PTPRT: variants seen among roughly 807,000 people sequenced by gnomAD.
PTPRT encodes the protein protein tyrosine phosphatase receptor type T.
PTPRT carries 56 observed loss-of-function variants against 176.8 expected under a neutral mutation model. That is an observed-to-expected ratio of 0.32 (90% CI 0.26 to 0.40). The LOEUF is 0.40. Ranked by LOEUF, PTPRT falls within the 10% of genes least tolerant of loss-of-function variation. The probability of loss-of-function intolerance (pLI) is 1.00; values close to 1 mark genes in which losing one functional copy is unlikely to be tolerated. For missense variants in PTPRT, 1,540 were observed against 1,908.2 expected (o/e 0.81, Z 3.60); for synonymous variants, 783 against 739.0 (o/e 1.06, Z -0.96).
chr20:42,839,153 C>T lies in PTPRT; in HGVS notation c.214+46654G>A, dbSNP rs147210071. ...GGAGGTAGGCTCTTCTTGCATACCT[C>T]GTAGGGACTTCCATCTCACACGGCC... On this transcript the variant is annotated intron_variant, in intron 2 of 30. Transcript: ENST00000373187. Among the ~76,000 whole-genome samples, 790 of 152,192 alleles carry T rather than the reference C, an allele frequency of 5.2e-3. 3 individuals carry two copies. The highest frequency in any genetic ancestry group is 7.0e-3 in the Non-Finnish European group (473 of 68,014).
chr20:42,358,594 A>T (rs2058389404), intron 9 of PTPRT, among the ~76,000 whole-genome samples: 1 of 152,090 alleles, frequency 6.6e-6, no homozygotes, highest in Admixed American at 6.6e-5. Flanking sequence ...AGCATGGGAG[A>T]AGGGTGGGAG....
intron 1 of PTPRT, among the ~76,000 whole-genome samples, chr20:42,891,680 C>T (rs186346774): frequency 1.3e-3 from 201 of 152,306 alleles, no homozygotes; most frequent in East Asian, 4.8e-3. Flanking sequence ...AATGTGTCTT[C>T]CTCTGCATTT....
chr20:42,326,469 T>C (rs1404414380), intron 11 of PTPRT, among the ~76,000 whole-genome samples: 1 of 152,164 alleles, frequency 6.6e-6, no homozygotes, highest in Non-Finnish European at 1.5e-5. Context: ...TTAAAATTAA[T>C]AAAAGAATTC....
chr20:42,302,438 CA>C (rs2057483802), intron 12 of PTPRT, among the ~76,000 whole-genome samples: 2 of 152,132 alleles, frequency 1.3e-5, no homozygotes, highest in Admixed American at 6.5e-5. Flanking sequence ...GCTTCCTTTG[CA>C]AAACATACAC....
intron 9 of PTPRT, among the ~76,000 whole-genome samples, chr20:42,398,728 T>C (rs2058875838): frequency 6.6e-6 from 1 of 152,212 alleles, no homozygotes; most frequent in African/African-American, 2.4e-5. Context: ...ATGTATTTTT[T>C]AATTTAAAAA....
intron 12 of PTPRT, among the ~76,000 whole-genome samples, chr20:42,288,186 G>A (rs992888121): frequency 2.0e-5 from 3 of 151,808 alleles, no homozygotes; most frequent in Admixed American, 6.6e-5. Context: ...CCTATGACCA[G>A]CACCCAGATC....
chr20:42,171,220 T>A (rs1990066991), intron 16 of PTPRT, among the ~76,000 whole-genome samples: 1 of 152,124 alleles, frequency 6.6e-6, no homozygotes, highest in Non-Finnish European at 1.5e-5. Context: ...GTCAAGGATG[T>A]GAGTCCAGAA....
At chr20:43,055,338 C>T (rs1159939230) in intron 1 of PTPRT, among the ~76,000 whole-genome samples, 1 of 152,158 alleles carries the variant, frequency 6.6e-6, no homozygotes, top group Admixed American at 6.5e-5. Flanking sequence ...TTTAGCTTGG[C>T]CTCCTTCAGT....
At chr20:43,125,873 C>T (rs540083368) in intron 1 of PTPRT, among the ~76,000 whole-genome samples, 3 of 152,086 alleles carry the variant, frequency 2.0e-5, no homozygotes, top group Non-Finnish European at 2.9e-5. Context: ...TTATTAAAGG[C>T]GAATTATGTT....
intron 1 of PTPRT, among the ~76,000 whole-genome samples, chr20:43,093,718 G>A (rs955417805): frequency 1.6e-4 from 25 of 152,058 alleles, no homozygotes; most frequent in African/African-American, 6.0e-4. Context: ...GAATGAAATC[G>A]AAACCCCTAA....
At chr20:42,669,862 G>C (rs962194139) in intron 7 of PTPRT, among the ~76,000 whole-genome samples, 3 of 152,048 alleles carry the variant, frequency 2.0e-5, no homozygotes, top group Non-Finnish European at 4.4e-5. Flanking sequence ...GGCTTGAAAG[G>C]CCTCATTCTT....
At chr20:42,900,973 T>G (rs1050702630) in intron 1 of PTPRT, among the ~76,000 whole-genome samples, 2 of 152,140 alleles carry the variant, frequency 1.3e-5, no homozygotes, top group South Asian at 2.1e-4. Context: ...GATTGTATCT[T>G]GAGTTAAAAG....
At chr20:42,590,308 C>A in intron 7 of PTPRT, among the ~76,000 whole-genome samples, 1 of 152,104 alleles carries the variant, frequency 6.6e-6, no homozygotes, top group East Asian at 1.9e-4. Flanking sequence ...AGCCACCTAC[C>A]TGAGCTAGTT....
intron 15 of PTPRT, among the ~76,000 whole-genome samples, chr20:42,221,288 G>A (rs1436778802): frequency 6.6e-6 from 1 of 152,180 alleles, no homozygotes; most frequent in Non-Finnish European, 1.5e-5. Context: ...ACAGGCATGA[G>A]CTACTGCATC....
At chr20:42,083,686 C>A (rs1047164632) in intron 29 of PTPRT, among the ~76,000 whole-genome samples, 5 of 152,174 alleles carry the variant, frequency 3.3e-5, no homozygotes, top group Admixed American at 2.0e-4. Flanking sequence ...GTTATCAGTG[C>A]CTCCACTAGC....
At chr20:42,636,413 G>C (rs2074601523) in intron 7 of PTPRT, among the ~76,000 whole-genome samples, 1 of 152,080 alleles carries the variant, frequency 6.6e-6, no homozygotes, top group African/African-American at 2.4e-5. Flanking sequence ...TCATAAAACT[G>C]TTCAAGGGAG....
At chr20:42,901,137 C>T (rs1485118066) in intron 1 of PTPRT, among the ~76,000 whole-genome samples, 1 of 152,186 alleles carries the variant, frequency 6.6e-6, no homozygotes, top group Non-Finnish European at 1.5e-5. Context: ...ATAGTCTGGG[C>T]TTCCAGAGCT....
intron 7 of PTPRT, among the ~76,000 whole-genome samples, chr20:42,567,402 C>T (rs2073060474): frequency 6.6e-6 from 1 of 152,198 alleles, no homozygotes; most frequent in African/African-American, 2.4e-5. Flanking sequence ...AAATGCACTT[C>T]TCTTCACCTG....
rs191432281 is a variant in PTPRT, at chr20:42,985,592, G to A, written c.89-99660C>T. 2.6e-5 allele frequency among the ~76,000 whole-genome samples: 4 copies of A among 152,288 alleles called. No homozygotes were observed. In the East Asian group the frequency reaches 7.7e-4, roughly 29 times the overall value. On this transcript the variant is annotated intron_variant, in intron 1 of 30. Coordinates refer to ENST00000373187, the MANE Select transcript of PTPRT (RefSeq NM_007050.6). ...CTGCTCTTGTAGAGCTTACTCTCTT[G>A]TGGGGGTAGGGGTGGGAAACAGATC...
Sources: allele counts gnomAD v4.1 joint callset (sites outside exome capture counted in the v4.1 genomes callset), GRCh38; gene constraint gnomAD v4.1.1; transcripts MANE v1.5; gene names NCBI Gene and HGNC (gene_info 2026-07-23, HGNC 2026-07-21).